Variants in DDR2 observed in about 807,000 individuals in gnomAD.
DDR2 encodes discoidin domain-containing receptor 2.
DDR2 carries 27 observed loss-of-function variants against 94.9 expected under a neutral mutation model. That is an observed-to-expected ratio of 0.28 (90% CI 0.21 to 0.39). The LOEUF (loss-of-function observed/expected upper bound fraction) is 0.39. Ranked by LOEUF, DDR2 falls within the 10% of genes least tolerant of loss-of-function variation. DDR2 has a pLI of 1.00. For missense variants in DDR2, 783 were observed against 1,076.0 expected (o/e 0.73, Z 3.81); for synonymous variants, 382 against 377.2 (o/e 1.01, Z -0.15).
intron 9 of DDR2, among the ~76,000 whole-genome samples, chr1:162,762,650 G>C (rs942556734): frequency 1.3e-5 from 2 of 152,134 alleles, no homozygotes; most frequent in African/African-American, 4.8e-5. Flanking sequence ...AAATCACATT[G>C]AAAGAGCAGC....
Position 162,754,869 on chromosome 1 carries a change from A to G in DDR2, c.417+14A>G. ...CATGGGAAACAGGTAGGAAGAAGAG[A>G]CATCCAGATCCTGGATGTCCAAGAC... is the stretch of plus-strand genomic sequence containing the variant. On this transcript the variant is annotated intron_variant, in intron 5 of 17. Transcript: ENST00000367921. 1 of 1,613,740 alleles carries G rather than the reference A, an allele frequency of 6.2e-7. No individual in the cohort carries two copies. The highest frequency in any genetic ancestry group is 8.5e-7 in the Non-Finnish European group (1 of 1,179,832).
At position 162,741,250 on chromosome 1, in the gene DDR2, AATG is replaced by A. The variant is rs1558057509; in HGVS notation, c.83-11844_83-11842del. 5.7e-3 allele frequency among the ~76,000 whole-genome samples: 536 copies of A among 94,672 alleles called. 4 individuals carry two copies. Among genetic ancestry groups the A allele is most frequent in the East Asian group, 0.016 (45 of 2,786 alleles). The allele number at this position is 94,672 out of a possible 152,430, so 62.1% of individuals were successfully genotyped here. A position where few individuals can be genotyped will look rare whatever the true frequency, so the allele number is the denominator to read the frequency against. On this transcript the variant is annotated intron_variant, in intron 3 of 17. Transcript: ENST00000367921. ...AATATAATATAATATAATATAGTATAATGTAATGTAATGTAATATAATATAATA... is the reference window on the plus strand; with the variant it reads ...AATATAATATAATATAATATAGTATATAATGTAATGTAATATAATATAATA...
intron 17 of DDR2, 129 bp downstream of exon 17, chr1:162,778,858 A>C (rs1453420238): frequency 1.6e-6 from 2 of 1,256,568 alleles, no homozygotes; most frequent in East Asian, 5.0e-5. Context: ...TTTGTCACTA[A>C]CTATCCAGAT....
In DDR2 at chr1:162,638,022, A is replaced by T. The variant is rs181225419; in HGVS notation, c.-192+5391A>T. Among the ~76,000 whole-genome samples, 743 of 151,790 alleles carry T rather than the reference A, an allele frequency of 4.9e-3. 5 individuals carry two copies. Among genetic ancestry groups the T allele is most frequent in the African/African-American group, 0.017 (716 of 41,402 alleles). On this transcript the variant is annotated intron_variant, in intron 1 of 17. Coordinates refer to ENST00000367921, the MANE Select transcript of DDR2 (RefSeq NM_006182.4). Reference sequence around the variant, plus strand: ...CTTTTTGGGACTGTACTTTTTTTTAATTTTTTTTATTTGTTTGAGACGGAG... The same window carrying T: ...CTTTTTGGGACTGTACTTTTTTTTATTTTTTTTTATTTGTTTGAGACGGAG...
At chr1:162,683,840 A>C (rs1294193545) in intron 2 of DDR2, among the ~76,000 whole-genome samples, 1 of 152,082 alleles carries the variant, frequency 6.6e-6, no homozygotes, top group Non-Finnish European at 1.5e-5. Flanking sequence ...TATAATTCCT[A>C]CCCAAATCTC....
intron 2 of DDR2, among the ~76,000 whole-genome samples, chr1:162,667,126 T>C (rs149137751): frequency 6.6e-6 from 1 of 152,244 alleles, no homozygotes; most frequent in Admixed American, 6.5e-5. Flanking sequence ...GTTGTTTGAA[T>C]ATACCATATT....
At chr1:162,739,510 T>C (rs2102080143) in intron 3 of DDR2, among the ~76,000 whole-genome samples, 1 of 152,222 alleles carries the variant, frequency 6.6e-6, no homozygotes, top group Non-Finnish European at 1.5e-5. Context: ...TTTTACCATG[T>C]TGGCCAGTCT....
intron 3 of DDR2, among the ~76,000 whole-genome samples, chr1:162,742,794 G>A (rs1662675160): frequency 6.6e-6 from 1 of 152,234 alleles, no homozygotes; most frequent in South Asian, 2.1e-4. Flanking sequence ...AGCCGGGGAG[G>A]CCTCAGAATC....
At chr1:162,742,208 T>C (rs1662644550) in intron 3 of DDR2, among the ~76,000 whole-genome samples, 1 of 152,248 alleles carries the variant, frequency 6.6e-6, no homozygotes, top group Non-Finnish European at 1.5e-5. Flanking sequence ...CATATGTTCA[T>C]CTCTTGATTC....
At chr1:162,721,164 T>C (rs151101793) in intron 3 of DDR2, among the ~76,000 whole-genome samples, 14 of 152,324 alleles carry the variant, frequency 9.2e-5, no homozygotes, top group Non-Finnish European at 7.3e-5. Flanking sequence ...GTGGGATGTT[T>C]TGGTGGTAAG....
chr1:162,720,808 G>T (rs1661384843), intron 3 of DDR2, among the ~76,000 whole-genome samples: 1 of 152,100 alleles, frequency 6.6e-6, no homozygotes, highest in Admixed American at 6.6e-5. Flanking sequence ...TTTGATTCTT[G>T]AGGGTGCTTT....
intron 3 of DDR2, among the ~76,000 whole-genome samples, chr1:162,728,798 G>A (rs570219509): frequency 3.9e-5 from 6 of 152,188 alleles, no homozygotes; most frequent in Admixed American, 6.5e-5. Context: ...TGATGACCAC[G>A]TGATACGGTT....
chr1:162,690,349 C>T (rs530958708), intron 2 of DDR2, among the ~76,000 whole-genome samples: 1 of 152,214 alleles, frequency 6.6e-6, no homozygotes, highest in East Asian at 1.9e-4. Flanking sequence ...GTGGAAAGCT[C>T]ACTGGTTTTG....
At chr1:162,765,396 C>T (rs1050404714) in intron 9 of DDR2, among the ~76,000 whole-genome samples, 2 of 152,124 alleles carry the variant, frequency 1.3e-5, no homozygotes, top group Non-Finnish European at 2.9e-5. Flanking sequence ...TCTTGACCCC[C>T]TTGATTAGAC....
chr1:162,671,670 G>A (rs996520938), intron 2 of DDR2, among the ~76,000 whole-genome samples: 2 of 152,024 alleles, frequency 1.3e-5, no homozygotes, highest in Non-Finnish European at 2.9e-5. Flanking sequence ...AGCCTTTCTA[G>A]CCCAATAAAT....
chr1:162,745,882 T>C (rs1662834175), intron 3 of DDR2, among the ~76,000 whole-genome samples: 2 of 152,228 alleles, frequency 1.3e-5, no homozygotes, highest in Admixed American at 1.3e-4. Flanking sequence ...GATTTTGAAA[T>C]GCAATCAGTT....
At chr1:162,769,557 G>A (rs1011942616) in intron 11 of DDR2, among the ~76,000 whole-genome samples, 13 of 152,152 alleles carry the variant, frequency 8.5e-5, no homozygotes, top group Non-Finnish European at 1.3e-4. Context: ...TCTAAGTTTC[G>A]CCATTGAGCA....
intron 3 of DDR2, among the ~76,000 whole-genome samples, chr1:162,741,263 GTAATATAATATAATATAATATAATA>G (rs71581465): frequency 6.3e-4 from 79 of 125,296 alleles, no homozygotes; most frequent in African/African-American, 1.4e-3. Flanking sequence ...GTAATGTAAT[GTAATATAATATAATATAATATAATA>G]TAATATAATA....
chr1:162,769,244 C>A (rs75639782), intron 11 of DDR2, among the ~76,000 whole-genome samples: 3,562 of 152,232 alleles, frequency 0.023, 80 homozygotes, highest in Non-Finnish European at 0.033. Flanking sequence ...GAAATTCTAC[C>A]CCTGTACATC....
Sources: gnomAD v4.1 joint callset for allele counts (sites outside exome capture counted in the v4.1 genomes callset) on GRCh38, gnomAD v4.1.1 for gene constraint, MANE v1.5 for transcripts, NCBI Gene and HGNC (gene_info 2026-07-23, HGNC 2026-07-21) for gene names.